Variants in TSHR observed in about 807,000 individuals in gnomAD.
TSHR encodes the protein thyrotropin receptor.
Under a neutral mutation model 64.1 loss-of-function variants are expected in TSHR, and 51 were observed. The ratio of observed to expected loss-of-function variants is 0.80; its 90% confidence interval spans 0.64 to 1.01. The LOEUF (loss-of-function observed/expected upper bound fraction) is 1.01, where lower values mean the gene tolerates loss of function less well. TSHR is among the 50% of genes least tolerant of loss of function. TSHR has a pLI of 0.00. For synonymous variants in TSHR, 361 were observed against 361.9 expected, an observed-to-expected ratio of 1.00 and a Z score of 0.03; for missense variants, 877 against 942.8, an observed-to-expected ratio of 0.93 and a Z score of 0.91.
At chr14:81,101,266 T>A (rs575376360) in intron 7 of TSHR, among the ~76,000 whole-genome samples, 19 of 152,306 alleles carry the variant, frequency 1.2e-4, no homozygotes, top group Non-Finnish European at 2.1e-4. Context: ...GCTGTGGAGA[T>A]TCTAAGAACT....
intron 3 of TSHR, among the ~76,000 whole-genome samples, chr14:81,086,817 A>G (rs924484139): frequency 4.6e-5 from 7 of 152,246 alleles, no homozygotes; most frequent in African/African-American, 1.7e-4. Context: ...GAAAGAAGGC[A>G]GACACAAAAG....
intron 1 of TSHR, among the ~76,000 whole-genome samples, chr14:81,021,059 G>A (rs72689911): frequency 1.4e-3 from 207 of 152,036 alleles, no homozygotes; most frequent in South Asian, 4.6e-3. Flanking sequence ...CCACATTATG[G>A]TGAGTTGCAT....
intron 3 of TSHR, among the ~76,000 whole-genome samples, chr14:81,070,453 C>T (rs1886975114): frequency 6.6e-6 from 1 of 151,616 alleles, no homozygotes; most frequent in African/African-American, 2.4e-5. Flanking sequence ...ATGGTGAAAC[C>T]TTGTCTCTAC....
At chr14:81,013,159 T>A (rs371742482) in intron 1 of TSHR, 1 of 152,242 alleles carries the variant, frequency 6.6e-6, no homozygotes, top group Non-Finnish European at 1.5e-5. Flanking sequence ...TTTCTACATA[T>A]GGCTAGCCCG....
intron 7 of TSHR, among the ~76,000 whole-genome samples, chr14:81,100,017 C>T (rs536196261): frequency 3.9e-5 from 6 of 152,218 alleles, no homozygotes; most frequent in African/African-American, 9.6e-5. Flanking sequence ...GATGGAAAAA[C>T]GAACAAGTGA....
intron 7 of TSHR, among the ~76,000 whole-genome samples, chr14:81,105,407 G>A (rs1889829526): frequency 6.6e-6 from 1 of 152,200 alleles, no homozygotes; most frequent in African/African-American, 2.4e-5. Context: ...CAAATCTGCT[G>A]AAGGCAGAGT....
At chr14:81,108,738 C>A in intron 8 of TSHR, 1 of 1,611,844 alleles carries the variant, frequency 6.2e-7, no homozygotes, top group South Asian at 1.1e-5. Flanking sequence ...GTTCATGGAG[C>A]AGCTGCTGTT....
At chr14:81,129,208 G>T (rs1015660472) in intron 8 of TSHR, among the ~76,000 whole-genome samples, 1 of 152,012 alleles carries the variant, frequency 6.6e-6, no homozygotes, top group Non-Finnish European at 1.5e-5. Context: ...TAAACATCCT[G>T]CTCTCTTTCT....
chr14:81,064,965 G>A (rs1595035626), intron 2 of TSHR, among the ~76,000 whole-genome samples: 1 of 152,144 alleles, frequency 6.6e-6, no homozygotes, highest in East Asian at 1.9e-4. Flanking sequence ...CATGTTGTAG[G>A]ACTTTCTCCT....
intron 1 of TSHR, chr14:80,982,975 T>C (rs2066447852): frequency 3.8e-6 from 2 of 531,782 alleles, no homozygotes. Flanking sequence ...ACTTGTTAAC[T>C]TACTTAAGTC....
chr14:81,016,476 T>C (rs1039872247), intron 1 of TSHR, among the ~76,000 whole-genome samples: 1 of 151,532 alleles, frequency 6.6e-6, no homozygotes, highest in Non-Finnish European at 1.5e-5. Context: ...GGGTTATTTG[T>C]TTTCTTGCTA....
chr14:80,969,247 A>T (rs1484542559), intron 1 of TSHR, among the ~76,000 whole-genome samples: 1 of 152,196 alleles, frequency 6.6e-6, no homozygotes, highest in Non-Finnish European at 1.5e-5. Context: ...GACAGGGCAC[A>T]TAGTGAGACT....
At chr14:80,964,385 G>A (rs1170648945) in intron 1 of TSHR, among the ~76,000 whole-genome samples, 2 of 152,148 alleles carry the variant, frequency 1.3e-5, no homozygotes, top group African/African-American at 4.8e-5. Context: ...AAACTAATTC[G>A]TAATACATAA....
At chr14:81,002,975 C>A (rs1566758049) in intron 1 of TSHR, among the ~76,000 whole-genome samples, 1 of 39,914 alleles carries the variant, frequency 2.5e-5, no homozygotes, top group Admixed American at 4.1e-4. Context: ...GCTATCCCTC[C>A]CCCCTCCCCC....
intron 1 of TSHR, among the ~76,000 whole-genome samples, chr14:80,986,588 G>A (rs563351941): frequency 1.3e-5 from 2 of 152,186 alleles, no homozygotes; most frequent in Admixed American, 1.3e-4. Flanking sequence ...CTGGGTCCAG[G>A]CGATTCTCCT....
intron 4 of TSHR, among the ~76,000 whole-genome samples, chr14:81,088,847 G>C (rs957712340): frequency 1.3e-5 from 2 of 152,142 alleles, no homozygotes; most frequent in Non-Finnish European, 2.9e-5. Flanking sequence ...TATTTTATGA[G>C]ATAAGCCCTT....
chr14:81,063,655 A>G (rs1203487053), intron 2 of TSHR, among the ~76,000 whole-genome samples: 1 of 152,114 alleles, frequency 6.6e-6, no homozygotes, highest in East Asian at 1.9e-4. Context: ...TTCATTCAAC[A>G]GATATTTATT....
At chr14:81,039,220 C>T (rs1884802993) in intron 1 of TSHR, among the ~76,000 whole-genome samples, 1 of 151,852 alleles carries the variant, frequency 6.6e-6, no homozygotes, top group African/African-American at 2.4e-5. Context: ...AATCAATAAG[C>T]ATCATACATC....
At chr14:80,998,075 T>C (rs1353433899) in intron 1 of TSHR, among the ~76,000 whole-genome samples, 1 of 152,200 alleles carries the variant, frequency 6.6e-6, no homozygotes, top group East Asian at 1.9e-4. Context: ...TTGATATAGT[T>C]AATAACAAGG....
Sources: gnomAD v4.1 joint callset for allele counts (sites outside exome capture counted in the v4.1 genomes callset) on GRCh38, gnomAD v4.1.1 for gene constraint, MANE v1.5 for transcripts, NCBI Gene and HGNC (gene_info 2026-07-23, HGNC 2026-07-21) for gene names.